GRIA2: variants seen among roughly 807,000 people sequenced by gnomAD.
The protein encoded by GRIA2 is glutamate ionotropic receptor AMPA type subunit 2.
Under a neutral mutation model 97.3 loss-of-function variants are expected in GRIA2, and 14 were observed. The ratio of observed to expected loss-of-function variants is 0.14; its 90% CI spans 0.10 to 0.23. GRIA2 has a LOEUF of 0.23. Ranked by LOEUF, GRIA2 falls within the 10% of genes least tolerant of loss-of-function variation. GRIA2 has a pLI of 1.00. For missense variants in GRIA2, 558 were observed against 1,069.8 expected (o/e 0.52, Z 6.67); for synonymous variants, 412 against 387.8 (o/e 1.06, Z -0.73).
intron 2 of GRIA2, among the ~76,000 whole-genome samples, chr4:157,250,651 A>G (rs1322696468): frequency 1.3e-5 from 2 of 152,118 alleles, no homozygotes; most frequent in Non-Finnish European, 2.9e-5. Flanking sequence ...ACATATAAAC[A>G]CATAAACTTC....
At chr4:157,222,281 C>G (rs1056070879) in intron 2 of GRIA2, among the ~76,000 whole-genome samples, 3 of 152,276 alleles carry the variant, frequency 2.0e-5, no homozygotes, top group East Asian at 1.9e-4. Context: ...AGCTGCCGCT[C>G]TCGCCCGCTG....
At chr4:157,323,625 G>GC (rs1308657028) in intron 6 of GRIA2, among the ~76,000 whole-genome samples, 3 of 152,042 alleles carry the variant, frequency 2.0e-5, no homozygotes, top group African/African-American at 4.8e-5. Flanking sequence ...TCATTGTGTT[G>GC]CCCCCAACTG....
chr4:157,246,529 T>C (rs746469840), intron 2 of GRIA2, among the ~76,000 whole-genome samples: 9 of 152,138 alleles, frequency 5.9e-5, no homozygotes, highest in Non-Finnish European at 1.0e-4. Flanking sequence ...TATACTTTCG[T>C]AGTAATAACA....
At chr4:157,340,247 G>A (rs1735489130) in intron 11 of GRIA2, among the ~76,000 whole-genome samples, 1 of 151,882 alleles carries the variant, frequency 6.6e-6, no homozygotes, top group African/African-American at 2.4e-5. Context: ...GTTCACACTA[G>A]CAAGTCTAAT....
intron 2 of GRIA2, among the ~76,000 whole-genome samples, chr4:157,260,327 T>G (rs1309617435): frequency 6.6e-6 from 1 of 152,118 alleles, no homozygotes; most frequent in Non-Finnish European, 1.5e-5. Flanking sequence ...TAACTGTGGC[T>G]TAATCAATAT....
At chr4:157,232,070 A>AT (rs1159354968) in intron 2 of GRIA2, among the ~76,000 whole-genome samples, 1 of 152,262 alleles carries the variant, frequency 6.6e-6, no homozygotes, top group Non-Finnish European at 1.5e-5. Context: ...AATAAGGACC[A>AT]TAACATATGC....
chr4:157,298,296 CAGTGCATAGT>C (rs1733443484), intron 2 of GRIA2, among the ~76,000 whole-genome samples: 1 of 151,996 alleles, frequency 6.6e-6, no homozygotes, highest in African/African-American at 2.4e-5. Flanking sequence ...AAACCTAGAA[CAGTGCATAGT>C]AGGTTCTTAA....
intron 6 of GRIA2, among the ~76,000 whole-genome samples, chr4:157,326,089 G>A (rs1400348481): frequency 6.6e-6 from 1 of 152,032 alleles, no homozygotes; most frequent in East Asian, 1.9e-4. Context: ...AGCCACATTG[G>A]CCTCCTTGCT....
intron 6 of GRIA2, among the ~76,000 whole-genome samples, chr4:157,323,097 A>G (rs2126909711): frequency 6.6e-6 from 1 of 152,100 alleles, no homozygotes; most frequent in East Asian, 2.0e-4. Context: ...GCACTTTGGG[A>G]GGCCGAGGTG....
At chr4:157,227,231 C>T (rs780194559) in intron 2 of GRIA2, among the ~76,000 whole-genome samples, 28 of 152,112 alleles carry the variant, frequency 1.8e-4, no homozygotes, top group Admixed American at 4.6e-4. Context: ...CATTTCACAT[C>T]AAGCCTTTAA....
intron 2 of GRIA2, among the ~76,000 whole-genome samples, chr4:157,284,053 C>G (rs1579330992): frequency 6.6e-6 from 1 of 151,794 alleles, no homozygotes; most frequent in East Asian, 1.9e-4. Flanking sequence ...AGAAGTAGAT[C>G]TCAGGTTTCT....
chr4:157,332,310 G>A (rs1396900625), intron 6 of GRIA2, among the ~76,000 whole-genome samples: 1 of 151,952 alleles, frequency 6.6e-6, no homozygotes, highest in Admixed American at 6.6e-5. Context: ...GAATCGCCTA[G>A]GGGAGCCTAA....
intron 2 of GRIA2, among the ~76,000 whole-genome samples, chr4:157,261,188 G>A (rs538688418): frequency 7.2e-5 from 11 of 152,104 alleles, no homozygotes; most frequent in South Asian, 2.1e-4. Context: ...CTTACATGGC[G>A]GCAGGCAATA....
At chr4:157,291,284 CT>C (rs1368740185) in intron 2 of GRIA2, among the ~76,000 whole-genome samples, 3 of 151,952 alleles carry the variant, frequency 2.0e-5, no homozygotes, top group Non-Finnish European at 4.4e-5. Flanking sequence ...TTAGCTCCAT[CT>C]TCTGGCCTTT....
chr4:157,332,503 G>A (rs1469795398), intron 6 of GRIA2, among the ~76,000 whole-genome samples: 2 of 148,208 alleles, frequency 1.3e-5, no homozygotes, highest in African/African-American at 2.5e-5. Flanking sequence ...GCTATAAAGT[G>A]AGGCTGTAAC....
intron 2 of GRIA2, among the ~76,000 whole-genome samples, chr4:157,229,711 C>A (rs1729915690): frequency 1.3e-5 from 2 of 152,046 alleles, no homozygotes; most frequent in African/African-American, 4.8e-5. Flanking sequence ...TAAACACAAA[C>A]TGGGTTGAAT....
intron 2 of GRIA2, among the ~76,000 whole-genome samples, chr4:157,286,617 A>G (rs932601359): frequency 1.3e-5 from 2 of 150,312 alleles, no homozygotes; most frequent in African/African-American, 2.5e-5. Flanking sequence ...ATCTTCCAAT[A>G]AAGTTTGTAA....
intron 2 of GRIA2, among the ~76,000 whole-genome samples, chr4:157,230,539 T>TTTCC (rs929902949): frequency 7.1e-6 from 1 of 140,830 alleles, no homozygotes; most frequent in Non-Finnish European, 1.5e-5. Flanking sequence ...TCCTTCCTTC[T>TTTCC]TTCCTTCCTT....
intron 2 of GRIA2, among the ~76,000 whole-genome samples, chr4:157,229,263 G>T (rs962881085): frequency 6.6e-6 from 1 of 152,022 alleles, no homozygotes; most frequent in Non-Finnish European, 1.5e-5. Context: ...GTTTTCTAAC[G>T]ATTTTGTTTT....
Sources: gnomAD v4.1 joint callset for allele counts (sites outside exome capture counted in the v4.1 genomes callset) on GRCh38, gnomAD v4.1.1 for gene constraint, MANE v1.5 for transcripts, NCBI Gene and HGNC (gene_info 2026-07-23, HGNC 2026-07-21) for gene names.